The following DPYD variants were observed in gnomAD, a reference collection of about 807,000 sequenced individuals.
DPYD encodes dihydropyrimidine dehydrogenase.
Under a neutral mutation model 116.2 loss-of-function variants are expected in DPYD, and 109 were observed. That is an observed-to-expected ratio of 0.94 (90% CI 0.80 to 1.10). DPYD has a LOEUF of 1.10. Ranked by LOEUF, DPYD falls within the 50% of genes least tolerant of loss-of-function variation. DPYD has a pLI of 0.00. For missense variants in DPYD, 1,302 were observed against 1,254.5 expected, an observed-to-expected ratio of 1.04 and a Z score of -0.57; for synonymous variants, 440 against 432.0, an observed-to-expected ratio of 1.02 and a Z score of -0.23.
intron 2 of DPYD, among the ~76,000 whole-genome samples, chr1:97,834,097 C>A (rs895725171): frequency 1.3e-5 from 2 of 151,924 alleles, no homozygotes; most frequent in Non-Finnish European, 2.9e-5. Context: ...AGCTTAGAAA[C>A]GGAAGTTACA....
chr1:97,702,923 TAA>T (rs1661686734), intron 5 of DPYD, among the ~76,000 whole-genome samples: 1 of 151,944 alleles, frequency 6.6e-6, no homozygotes, highest in Non-Finnish European at 1.5e-5. Flanking sequence ...AACACAGAGT[TAA>T]AGACTCTTAA....
chr1:97,583,450 T>C (rs1246025958), intron 10 of DPYD, among the ~76,000 whole-genome samples: 6 of 152,166 alleles, frequency 3.9e-5, no homozygotes, highest in Non-Finnish European at 7.3e-5. Context: ...CAAGCCTCCC[T>C]GGCAGCTGTT....
At chr1:97,469,427 A>AAAAAAAAAAAAAAAAAAAAAAAAAAAAAG (rs1677516418) in intron 13 of DPYD, among the ~76,000 whole-genome samples, 1 of 118,866 alleles carries the variant, frequency 8.4e-6, no homozygotes, top group Non-Finnish European at 1.9e-5. Context: ...AAAAAAAAAA[A>AAAAAAAAAAAAAAAAAAAAAAAAAAAAAG]AGACAAATAA....
chr1:97,623,092 G>A (rs1378220743), intron 8 of DPYD, among the ~76,000 whole-genome samples: 3 of 152,054 alleles, frequency 2.0e-5, no homozygotes, highest in Non-Finnish European at 4.4e-5. Flanking sequence ...CATCAAGCTG[G>A]GCAATGTTGA....
intron 2 of DPYD, among the ~76,000 whole-genome samples, chr1:97,863,701 G>A (rs1357592367): frequency 1.3e-5 from 2 of 151,624 alleles, no homozygotes; most frequent in Non-Finnish European, 1.5e-5. Context: ...TCATTATAAC[G>A]CTAAGTTACA....
At chr1:97,748,615 A>G (rs891305035) in intron 3 of DPYD, among the ~76,000 whole-genome samples, 3 of 152,188 alleles carry the variant, frequency 2.0e-5, no homozygotes, top group Admixed American at 2.0e-4. Context: ...TCTCAAATTA[A>G]TAAATAAAAC....
At chr1:97,356,789 T>A (rs1670449420) in intron 16 of DPYD, among the ~76,000 whole-genome samples, 1 of 152,218 alleles carries the variant, frequency 6.6e-6, no homozygotes, top group Admixed American at 6.5e-5. Flanking sequence ...CTTTTTCCAA[T>A]GGTTATACTT....
intron 3 of DPYD, among the ~76,000 whole-genome samples, chr1:97,777,421 GCTTA>G (rs1299009719): frequency 1.3e-5 from 2 of 152,108 alleles, no homozygotes; most frequent in Non-Finnish European, 1.5e-5. Flanking sequence ...ACTGTATGTT[GCTTA>G]CTTATTAGCA....
At chr1:97,576,321 C>T (rs1057505728) in intron 10 of DPYD, among the ~76,000 whole-genome samples, 133 of 152,208 alleles carry the variant, frequency 8.7e-4, no homozygotes, top group African/African-American at 3.0e-3. Flanking sequence ...CAATGTGTAC[C>T]TGTAACAGTA....
At chr1:97,436,549 G>A (rs1675483987) in intron 14 of DPYD, among the ~76,000 whole-genome samples, 1 of 151,892 alleles carries the variant, frequency 6.6e-6, no homozygotes, top group Non-Finnish European at 1.5e-5. Context: ...CCCAAAGGCA[G>A]CCTGACAAAT....
chr1:97,311,455 G>A (rs1667511340), intron 16 of DPYD, among the ~76,000 whole-genome samples: 1 of 151,648 alleles, frequency 6.6e-6, no homozygotes, highest in Non-Finnish European at 1.5e-5. Flanking sequence ...TTCCATATAA[G>A]GACAATGCTC....
rs138668415 is a variant in DPYD, at chr1:97,216,926, G to C, written c.2442+17926C>G. Among the ~76,000 whole-genome samples the C allele has an allele frequency of 1.4e-3, 217 of 151,212 alleles. 2 individuals carry two copies. The highest frequency in any genetic ancestry group is 2.5e-3 in the Non-Finnish European group (168 of 67,748). ...TGTTTGTGTCAAAACCTTAATTGAG[G>C]ATCTGGCACCGTGGCTCATGCCTGT... On this transcript the variant is annotated intron_variant, in intron 19 of 22. Transcript: ENST00000370192.
chr1:97,828,088 C>G, intron 3 of DPYD, 26 bp downstream of exon 3: 4 of 1,605,138 alleles, frequency 2.5e-6, no homozygotes. Context: ...ACATCTGTGA[C>G]TGTTGCTATG....
intron 18 of DPYD, among the ~76,000 whole-genome samples, chr1:97,274,734 C>T (rs756394797): frequency 6.6e-6 from 1 of 152,108 alleles, no homozygotes; most frequent in African/African-American, 2.4e-5. Flanking sequence ...TTTGCACCAA[C>T]ATAATATGTT....
intron 3 of DPYD, among the ~76,000 whole-genome samples, chr1:97,767,671 C>T (rs567648341): frequency 1.3e-5 from 2 of 151,316 alleles, no homozygotes; most frequent in Non-Finnish European, 2.9e-5. Context: ...GAACAACCTA[C>T]ACAATTCAGC....
rs895167324 is a variant in DPYD, at chr1:97,920,759, G to A, written c.39+125C>T. 14 of 1,363,924 alleles carry A rather than the reference G, an allele frequency of 1.0e-5. No individual in the cohort carries two copies. In the African/African-American group the frequency reaches 1.7e-4, roughly 17 times the overall value. 84.5% of individuals were successfully genotyped at this position (1,363,924 alleles called of 1,614,324 possible). A position where few individuals can be genotyped will look rare whatever the true frequency, so the allele number is the denominator to read the frequency against. The stretch of plus-strand genomic sequence containing the variant: ...CTCCGCTCCCCCGCAGAGCTCCCAC[G>A]GGGGAAACTTTCCCGCGTCTCTCAC... On this transcript the variant is annotated intron_variant, in intron 1 of 22. Transcript: ENST00000370192.
chr1:97,497,597 A>G (rs947645685), intron 13 of DPYD, among the ~76,000 whole-genome samples: 3 of 151,886 alleles, frequency 2.0e-5, no homozygotes, highest in Non-Finnish European at 2.9e-5. Context: ...CTACTTATCA[A>G]TAACACTAGG....
At chr1:97,476,449 C>A (rs1677966325) in intron 13 of DPYD, among the ~76,000 whole-genome samples, 1 of 151,718 alleles carries the variant, frequency 6.6e-6, no homozygotes, top group South Asian at 2.1e-4. Context: ...ATGTTTTTAC[C>A]TTGTTAGTAA....
chr1:97,428,431 G>A (rs1674995266), intron 14 of DPYD, among the ~76,000 whole-genome samples: 1 of 152,042 alleles, frequency 6.6e-6, no homozygotes, highest in Admixed American at 6.6e-5. Context: ...AAAATTTAGT[G>A]CCCAGTGAGT....
Sources: allele counts gnomAD v4.1 joint callset (sites outside exome capture counted in the v4.1 genomes callset), GRCh38; gene constraint gnomAD v4.1.1; transcripts MANE v1.5; gene names NCBI Gene and HGNC (gene_info 2026-07-23, HGNC 2026-07-21).